NRG3: variants seen among roughly 807,000 people sequenced by gnomAD.
NRG3 encodes pro-neuregulin-3, membrane-bound isoform.
In NRG3, 31 loss-of-function variants were observed where a neutral mutation model predicts 66.9. The ratio of observed to expected loss-of-function variants is 0.46; its 90% CI spans 0.35 to 0.63. NRG3 has a LOEUF of 0.63. Ranked by LOEUF, NRG3 falls within the 20% of genes least tolerant of loss-of-function variation. NRG3 has a pLI of 0.00. For synonymous variants in NRG3, 393 were observed against 359.4 expected, an observed-to-expected ratio of 1.09 and a Z score of -1.06; for missense variants, 910 against 878.9, an observed-to-expected ratio of 1.04 and a Z score of -0.45.
intron 2 of NRG3, among the ~76,000 whole-genome samples, chr10:82,529,584 G>T (rs922171175): frequency 6.6e-6 from 1 of 152,168 alleles, no homozygotes; most frequent in African/African-American, 2.4e-5. Flanking sequence ...CAAATAAACA[G>T]AAGTGCATGC....
intron 1 of NRG3, among the ~76,000 whole-genome samples, chr10:82,202,633 G>T (rs1469926926): frequency 6.6e-6 from 1 of 152,126 alleles, no homozygotes; most frequent in African/African-American, 2.4e-5. Context: ...CTTTTCCTGT[G>T]GTCGGAATGC....
chr10:82,030,823 G>T (rs1180151258), intron 1 of NRG3, among the ~76,000 whole-genome samples: 1 of 152,058 alleles, frequency 6.6e-6, no homozygotes, highest in Non-Finnish European at 1.5e-5. Context: ...AACCAAGAAG[G>T]TTTAAAACAA....
At chr10:82,962,407 A>C (rs947874796) in intron 6 of NRG3, among the ~76,000 whole-genome samples, 2 of 152,242 alleles carry the variant, frequency 1.3e-5, no homozygotes, top group African/African-American at 4.8e-5. Flanking sequence ...CAATTGAAAA[A>C]TGAAAGAAGA....
chr10:82,032,681 A>T (rs1216712599), intron 1 of NRG3, among the ~76,000 whole-genome samples: 1 of 152,082 alleles, frequency 6.6e-6, no homozygotes, highest in Non-Finnish European at 1.5e-5. Context: ...TTTATAAGAA[A>T]GTTATTTAAT....
intron 2 of NRG3, among the ~76,000 whole-genome samples, chr10:82,724,051 T>C (rs1359549667): frequency 6.7e-6 from 1 of 150,260 alleles, no homozygotes; most frequent in Non-Finnish European, 1.5e-5. Context: ...AATAAGTAAA[T>C]AGCTTAGCTT....
intron 1 of NRG3, among the ~76,000 whole-genome samples, chr10:82,295,693 G>C (rs866675895): frequency 2.6e-5 from 4 of 152,172 alleles, no homozygotes; most frequent in Admixed American, 6.5e-5. Flanking sequence ...TATTCAGGAG[G>C]ATTCAGTCTG....
chr10:82,908,600 G>A (rs1345268846), intron 4 of NRG3, among the ~76,000 whole-genome samples: 1 of 152,134 alleles, frequency 6.6e-6, no homozygotes, highest in Admixed American at 6.5e-5. Context: ...GAACACCCAC[G>A]CTAACTCCTT....
At chr10:82,216,619 T>G (rs1413008721) in intron 1 of NRG3, among the ~76,000 whole-genome samples, 2 of 150,876 alleles carry the variant, frequency 1.3e-5, no homozygotes, top group East Asian at 1.9e-4. Flanking sequence ...GATATATATA[T>G]ATATATACCC....
intron 2 of NRG3, among the ~76,000 whole-genome samples, chr10:82,386,671 T>C (rs779554242): frequency 9.7e-4 from 147 of 152,324 alleles, no homozygotes; most frequent in Non-Finnish European, 1.3e-3. Flanking sequence ...AAAGATCCAC[T>C]TTTTCAGAGA....
At position 82,789,769 on chromosome 10, in the gene NRG3, A is replaced by G. The variant is rs541426631; in HGVS notation, c.1027+51119A>G. Among the ~76,000 whole-genome samples the G allele has an allele frequency of 2.4e-4, 36 of 151,982 alleles. No individual in the cohort carries two copies. The South Asian group carries it at 7.3e-3, about 31-fold the overall frequency. On this transcript the variant is annotated intron_variant, in intron 3 of 8. Coordinates refer to ENST00000372141, the MANE Select transcript of NRG3 (RefSeq NM_001010848.4). ...GTCTTTCTTTACTCCCTATTCTTCT[A>G]TCACAGCCTTCCTTAGTATTAAATG... is the stretch of plus-strand genomic sequence containing the variant.
At chr10:82,140,061 A>G (rs1290474055) in intron 1 of NRG3, among the ~76,000 whole-genome samples, 1 of 152,164 alleles carries the variant, frequency 6.6e-6, no homozygotes, top group African/African-American at 2.4e-5. Flanking sequence ...TTTTGGATAA[A>G]CTAACAAAAA....
At chr10:82,475,617 A>G (rs1841700846) in intron 2 of NRG3, among the ~76,000 whole-genome samples, 2 of 152,172 alleles carry the variant, frequency 1.3e-5, no homozygotes. Flanking sequence ...TCAAAAAATT[A>G]TATTGGAAAA....
At chr10:82,570,791 G>A (rs1251511026) in intron 2 of NRG3, among the ~76,000 whole-genome samples, 2 of 151,582 alleles carry the variant, frequency 1.3e-5, no homozygotes, top group Admixed American at 1.3e-4. Context: ...TGATTTTCTG[G>A]AGGACTCATA....
At chr10:82,538,008 T>G (rs945193910) in intron 2 of NRG3, among the ~76,000 whole-genome samples, 2 of 152,172 alleles carry the variant, frequency 1.3e-5, no homozygotes, top group Admixed American at 1.3e-4. Context: ...TTCATTCATA[T>G]AGGTCACCAG....
intron 1 of NRG3, among the ~76,000 whole-genome samples, chr10:82,012,243 C>A (rs1245995760): frequency 6.6e-6 from 1 of 152,158 alleles, no homozygotes; most frequent in Non-Finnish European, 1.5e-5. Flanking sequence ...GAAGCCATGG[C>A]CTGAGTTGTA....
chr10:82,390,846 G>A (rs1299920391), intron 2 of NRG3, among the ~76,000 whole-genome samples: 2 of 152,200 alleles, frequency 1.3e-5, no homozygotes, highest in African/African-American at 2.4e-5. Context: ...AGAGAGCATG[G>A]TGAAGTGAGC....
At chr10:82,154,323 G>A (rs1248425318) in intron 1 of NRG3, among the ~76,000 whole-genome samples, 1 of 151,850 alleles carries the variant, frequency 6.6e-6, no homozygotes, top group African/African-American at 2.4e-5. Context: ...ATTTATTGAA[G>A]AGACTGTGCT....
intron 2 of NRG3, among the ~76,000 whole-genome samples, chr10:82,377,401 G>T (rs2085311044): frequency 6.6e-6 from 1 of 151,226 alleles, no homozygotes; most frequent in Non-Finnish European, 1.5e-5. Flanking sequence ...TAATCTGAGA[G>T]AAAGAGAGAG....
chr10:82,483,978 T>G (rs1232376187), intron 2 of NRG3, among the ~76,000 whole-genome samples: 1 of 152,270 alleles, frequency 6.6e-6, no homozygotes, highest in Non-Finnish European at 1.5e-5. Context: ...TCTGGAAATG[T>G]AATTATAGTT....
Sources: gnomAD v4.1 joint callset for allele counts (sites outside exome capture counted in the v4.1 genomes callset) on GRCh38, gnomAD v4.1.1 for gene constraint, MANE v1.5 for transcripts, NCBI Gene and HGNC (gene_info 2026-07-23, HGNC 2026-07-21) for gene names.